PCDHGA3: variants seen among roughly 807,000 people sequenced by gnomAD.
The protein encoded by PCDHGA3 is protocadherin gamma subfamily A, 3.
PCDHGA3 carries 40 observed loss-of-function variants against 58.5 expected under a neutral mutation model. That is an observed-to-expected ratio of 0.68 (90% confidence interval 0.53 to 0.89). The LOEUF (loss-of-function observed/expected upper bound fraction) is 0.89, where lower values mean the gene tolerates loss of function less well. PCDHGA3 is among the 40% of genes least tolerant of loss of function. PCDHGA3 has a pLI of 0.00. For missense variants in PCDHGA3, 1,223 were observed against 1,195.9 expected (o/e 1.02, Z -0.33); for synonymous variants, 530 against 525.7 (o/e 1.01, Z -0.11).
chr5:141,364,657 G>A (rs1232643990), intron 1 of PCDHGA3: 3 of 1,613,916 alleles, frequency 1.9e-6, no homozygotes, highest in African/African-American at 2.7e-5. Context: ...TTAACATCTT[G>A]GTTGAGAACA....
At position 141,432,325 on chromosome 5, in the gene PCDHGA3, C is replaced by T. The variant is rs752180978; in HGVS notation, c.2425-62482C>T. ...TGTATGCGCTGAGCTCCTTCGACTACGAGCAGTTCCGAGACTTGCAAGTGA... is the reference window on the plus strand; with the variant it reads ...TGTATGCGCTGAGCTCCTTCGACTATGAGCAGTTCCGAGACTTGCAAGTGA... On this transcript the variant is annotated intron_variant, in intron 1 of 3. Coordinates refer to ENST00000253812, the MANE Select transcript of PCDHGA3 (RefSeq NM_018916.4). The surrounding 1 kb of genome is among the most constrained non-coding windows in gnomAD (Gnocchi z 6.0). 68 of 1,614,142 alleles carry T rather than the reference C, an allele frequency of 4.2e-5. No individual in the cohort carries two copies. Among genetic ancestry groups the T allele is most frequent in the Non-Finnish European group, 5.2e-5 (61 of 1,180,050 alleles).
chr5:141,398,942 G>C (rs748252181), intron 1 of PCDHGA3: 1 of 1,613,766 alleles, frequency 6.2e-7, no homozygotes, highest in Non-Finnish European at 8.5e-7. Context: ...CAAGACGAGG[G>C]CATCAACTCA....
At chr5:141,351,755 T>A in intron 1 of PCDHGA3, 1 of 1,613,598 alleles carries the variant, frequency 6.2e-7, no homozygotes. Context: ...GGAGCTGTTG[T>A]CCTACGTGTC....
chr5:141,374,126 C>T, intron 1 of PCDHGA3: 1 of 1,602,982 alleles, frequency 6.2e-7, no homozygotes, highest in Middle Eastern at 1.7e-4. Flanking sequence ...CGAGCAGGTC[C>T]TGCTCCTCAC....
At chr5:141,426,858 T>C (rs898486771) in intron 1 of PCDHGA3, 1 of 456,574 alleles carries the variant, frequency 2.2e-6, no homozygotes, top group Non-Finnish European at 4.4e-6. Context: ...CGCTCCAGAA[T>C]TAGTGCTGGA....
At chr5:141,348,048 C>T (rs1192119098) in intron 1 of PCDHGA3, among the ~76,000 whole-genome samples, 4 of 152,310 alleles carry the variant, frequency 2.6e-5, no homozygotes, top group South Asian at 2.1e-4. Context: ...GAATAGAAGT[C>T]CCTTCTTTTG....
At chr5:141,350,221 A>C in intron 1 of PCDHGA3, 2 of 1,494,264 alleles carry the variant, frequency 1.3e-6, no homozygotes, top group South Asian at 2.9e-5. Flanking sequence ...CTTTTTGAAA[A>C]ACATCCCAGA....
Position 141,485,950 on chromosome 5 carries a change from G to A in PCDHGA3, c.2425-8857G>A. ...TGTTGGAGAGCGCACCAGCGGGCAT[G>A]GTGCTCATCCAGCTCAATGCCTCAG... On this transcript the variant is annotated intron_variant, in intron 1 of 3. Transcript: ENST00000253812. The surrounding 1 kb of genome is among the most constrained non-coding windows in gnomAD (Gnocchi z 5.7). 6.2e-7 allele frequency: 1 copy of A among 1,614,184 alleles called. No individual in the cohort carries two copies. The highest frequency in any genetic ancestry group is 8.5e-7 in the Non-Finnish European group (1 of 1,180,030).
At chr5:141,445,300 TCA>T (rs1443961962) in intron 1 of PCDHGA3, among the ~76,000 whole-genome samples, 1 of 152,202 alleles carries the variant, frequency 6.6e-6, no homozygotes, top group Non-Finnish European at 1.5e-5. Flanking sequence ...TCCATTCTCT[TCA>T]GTTTGTAGGT....
At chr5:141,392,005 T>A (rs1323895692) in intron 1 of PCDHGA3, 1 of 152,198 alleles carries the variant, frequency 6.6e-6, no homozygotes, top group African/African-American at 2.4e-5. Context: ...AAAACTGCAA[T>A]GGTAAAAGCA....
At chr5:141,390,217 T>C (rs373008153) in intron 1 of PCDHGA3, 21 of 1,613,944 alleles carry the variant, frequency 1.3e-5, no homozygotes, top group Non-Finnish European at 1.8e-5. Flanking sequence ...CAAGACATAC[T>C]TTGCGGTGAT....
chr5:141,414,828 G>T (rs780047810), intron 1 of PCDHGA3: 1 of 1,614,210 alleles, frequency 6.2e-7, no homozygotes, highest in East Asian at 2.2e-5. Context: ...GCAACGTGTC[G>T]TTGAGCCTGT....
At chr5:141,389,754 G>A (rs370987485) in intron 1 of PCDHGA3, 3 of 1,612,772 alleles carry the variant, frequency 1.9e-6, no homozygotes, top group South Asian at 2.2e-5. Context: ...CACGGGCGAA[G>A]TGCGCACAGC....
At chr5:141,498,971 G>GGAAGGAA (rs2099787559) in intron 2 of PCDHGA3, among the ~76,000 whole-genome samples, 2 of 111,052 alleles carry the variant, frequency 1.8e-5, no homozygotes, top group African/African-American at 7.2e-5. Context: ...GAGGGAGGGA[G>GGAAGGAA]GGAAGGAAGG....
At chr5:141,481,327 T>C (rs2099535776) in intron 1 of PCDHGA3, among the ~76,000 whole-genome samples, 1 of 152,244 alleles carries the variant, frequency 6.6e-6, no homozygotes, top group Non-Finnish European at 1.5e-5. Context: ...CACTAGCCCC[T>C]GGACAACTAT....
intron 1 of PCDHGA3, chr5:141,383,858 A>T: frequency 6.2e-7 from 1 of 1,613,996 alleles, no homozygotes. Flanking sequence ...ATGGAGGTTC[A>T]GGCTCAAGAT....
chr5:141,394,317 T>C, intron 1 of PCDHGA3: 1 of 1,613,972 alleles, frequency 6.2e-7, no homozygotes, highest in Non-Finnish European at 8.5e-7. Flanking sequence ...GGCGCCCCTG[T>C]CCTCGTATAT....
Position 141,476,570 on chromosome 5 carries a change from A to G in PCDHGA3, c.2425-18237A>G. ...GATTAGCGAGGCCGTGGCTCCGGGG[A>G]CGCGCTTTCCGCTCGAGAGCGCGCA... On this transcript the variant is annotated intron_variant, in intron 1 of 3. Transcript: ENST00000253812. The surrounding 1 kb of genome is among the most constrained non-coding windows in gnomAD (Gnocchi z 7.6). 3 of 1,614,114 alleles carry G rather than the reference A, an allele frequency of 1.9e-6. No individual in the cohort carries two copies. The highest frequency in any genetic ancestry group is 2.5e-6 in the Non-Finnish European group (3 of 1,180,012).
At position 141,365,599 on chromosome 5, in the gene PCDHGA3, C is replaced by G. The variant is rs368039042; in HGVS notation, c.2424+19142C>G. On this transcript the variant is annotated intron_variant, in intron 1 of 3. Transcript: ENST00000253812. ...CTTCAGATTATAATATCACTTTAAC[C>G]GTCATGGACCATGGAACCCCGCCCC... is the stretch of plus-strand genomic sequence containing the variant. 1.4e-4 allele frequency: 222 copies of G among 1,613,638 alleles called. 2 individuals carry two copies. In the South Asian group the frequency reaches 2.3e-3, roughly 17 times the overall value.
Sources: gnomAD v4.1 joint callset for allele counts (sites outside exome capture counted in the v4.1 genomes callset) on GRCh38, gnomAD v4.1.1 for gene constraint, Gnocchi (gnomAD v3.1) non-coding constraint, MANE v1.5 for transcripts, NCBI Gene and HGNC (gene_info 2026-07-23, HGNC 2026-07-21) for gene names.